Variants in TNNT2 observed in about 807,000 individuals in gnomAD.
The protein encoded by TNNT2 is troponin T2, cardiac type, also known as troponin T, cardiac muscle.
Under a neutral mutation model 62.4 loss-of-function variants are expected in TNNT2, and 34 were observed. The ratio of observed to expected loss-of-function variants is 0.54; its 90% CI spans 0.41 to 0.72. The LOEUF (loss-of-function observed/expected upper bound fraction) is 0.72. Among genes scored for constraint, TNNT2 ranks in the 30% least tolerant of loss-of-function variants. TNNT2 has a pLI of 0.00. For missense variants in TNNT2, 275 were observed against 381.9 expected, an observed-to-expected ratio of 0.72 and a Z score of 2.33; for synonymous variants, 123 against 127.2, an observed-to-expected ratio of 0.97 and a Z score of 0.22.
At chr1:201,370,825 T>G (rs1486642362) in intron 4 of TNNT2, among the ~76,000 whole-genome samples, 1 of 152,234 alleles carries the variant, frequency 6.6e-6, no homozygotes, top group Non-Finnish European at 1.5e-5. Context: ...TATAAGGAAG[T>G]GGAAAATCCT....
Position 201,367,799 on chromosome 1 carries a change from T to A in TNNT2, c.171A>T (p.Glu57Asp). Residue 57 changes from glutamate (E) to aspartate (D), a missense_variant, in exon 7 of 17, where the codon GAA becomes GAT. Glu to Asp is a conservative substitution (Grantham distance 45). Transcript: ENST00000656932. ...ETEETRAEED[E>D]EEEEAKEAED... ...CAGCCTCCTTTGCTTCCTCTTCTTC[T>A]TCATCTTCTAAATGAAACACGAGAA... 1 of 1,614,136 alleles carries A rather than the reference T, an allele frequency of 6.2e-7. No individual in the cohort carries two copies. Among genetic ancestry groups the A allele is most frequent in the Non-Finnish European group, 8.5e-7 (1 of 1,180,022 alleles).
chr1:201,361,257 C>G, intron 15 of TNNT2, 22 bp downstream of exon 15: 1 of 1,610,788 alleles, frequency 6.2e-7, no homozygotes, highest in Non-Finnish European at 8.5e-7. Context: ...AGATGCTGGG[C>G]GGGGACAGCA....
intron 10 of TNNT2, 85 bp from the exon 11 acceptor site, chr1:201,364,460 G>A: frequency 1.4e-6 from 2 of 1,390,120 alleles, no homozygotes; most frequent in Non-Finnish European, 1.0e-6. Flanking sequence ...GGGTGGCAAG[G>A]GAATTCCTGG....
At chr1:201,376,989 G>T (rs1335209996) in intron 1 of TNNT2, among the ~76,000 whole-genome samples, 2 of 152,228 alleles carry the variant, frequency 1.3e-5, no homozygotes, top group Non-Finnish European at 2.9e-5. Flanking sequence ...GGGAGGGAAT[G>T]GCACTGAGTC....
At chr1:201,368,889 G>A (rs908890168) in intron 5 of TNNT2, among the ~76,000 whole-genome samples, 1 of 152,232 alleles carries the variant, frequency 6.6e-6, no homozygotes, top group Admixed American at 6.5e-5. Context: ...ACCTCAGACA[G>A]GAGGAAGACA....
chr1:201,362,908 C>T (rs1489381118), intron 12 of TNNT2, among the ~76,000 whole-genome samples: 2 of 152,280 alleles, frequency 1.3e-5, no homozygotes, highest in Admixed American at 6.5e-5. Flanking sequence ...TTGAGGAAAC[C>T]GAGGCTCAGA....
chr1:201,364,044 G>A (rs1472982544), intron 11 of TNNT2: 13 of 483,402 alleles, frequency 2.7e-5, no homozygotes, highest in African/African-American at 3.9e-5. Flanking sequence ...GTGCCACCAC[G>A]CCTGGCTAAT....
chr1:201,375,398 G>A (rs1489516517), intron 1 of TNNT2: 2 of 152,216 alleles, frequency 1.3e-5, no homozygotes, highest in East Asian at 1.9e-4. Flanking sequence ...GACAGTGAGG[G>A]AGGAGCCTTG....
intron 7 of TNNT2, chr1:201,367,359 C>A (rs1452984499): frequency 2.6e-6 from 1 of 389,736 alleles, no homozygotes; most frequent in Non-Finnish European, 4.8e-6. Flanking sequence ...CCACTTAGAA[C>A]CCTGGTGAAG....
intron 1 of TNNT2, chr1:201,374,975 C>G (rs1661183218): frequency 6.6e-6 from 1 of 152,594 alleles, no homozygotes; most frequent in Non-Finnish European, 1.5e-5. Flanking sequence ...TCCCCTGCTG[C>G]CCACCTCCTG....
At chr1:201,362,286 C>A in intron 13 of TNNT2, 100 bp downstream of exon 13, 1 of 1,558,562 alleles carries the variant, frequency 6.4e-7, no homozygotes, top group South Asian at 1.2e-5. Context: ...CCCAGCCAGC[C>A]CAATCTCTTC....
chr1:201,361,028 A>G (rs1658524984), intron 15 of TNNT2: 2 of 553,006 alleles, frequency 3.6e-6, no homozygotes, highest in African/African-American at 3.8e-5. Flanking sequence ...GGAGACCCCC[A>G]GGGTTGGAAC....
At chr1:201,368,801 G>A (rs1660140064) in intron 5 of TNNT2, among the ~76,000 whole-genome samples, 1 of 152,212 alleles carries the variant, frequency 6.6e-6, no homozygotes, top group Non-Finnish European at 1.5e-5. Context: ...CCTGGGCTGT[G>A]CCTGTAGGAA....
chr1:201,366,609 C>T lies in TNNT2; in HGVS notation c.233+229G>A. ...CCTCTAGAAGAACATAGCCCCATCC[C>T]TGCTAGGGTGCACGATTGGTGATGG... is the stretch of plus-strand genomic sequence containing the variant. On this transcript the variant is annotated intron_variant, in intron 8 of 16. Transcript: ENST00000656932. 3 of 1,438,236 alleles carry T rather than the reference C, an allele frequency of 2.1e-6. No homozygotes were observed. In the South Asian group the frequency reaches 4.2e-5, roughly 20 times the overall value. 89.1% of individuals were successfully genotyped at this position (1,438,236 alleles called of 1,614,324 possible).
At chr1:201,360,606 G>T (rs763549185) in intron 15 of TNNT2, 1 of 154,716 alleles carries the variant, frequency 6.5e-6, no homozygotes, top group African/African-American at 2.4e-5. Context: ...CCTGCCCAGC[G>T]AGGGGCTTCT....
chr1:201,376,415 G>A (rs745792067), intron 1 of TNNT2, among the ~76,000 whole-genome samples: 1 of 152,100 alleles, frequency 6.6e-6, no homozygotes, highest in Non-Finnish European at 1.5e-5. Context: ...AGAAACACAG[G>A]CCCCACCCCT....
At chr1:201,364,190 G>T in intron 11 of TNNT2, 108 bp downstream of exon 11, 3 of 1,245,120 alleles carry the variant, frequency 2.4e-6, no homozygotes, top group Non-Finnish European at 3.4e-6. Context: ...GGCCAATATT[G>T]TCTCTTGACT....
At chr1:201,371,982 C>T (rs771130940) in intron 4 of TNNT2, 45 bp downstream of exon 4, 2 of 1,613,590 alleles carry the variant, frequency 1.2e-6, no homozygotes, top group South Asian at 1.1e-5. Flanking sequence ...TTCCACATTG[C>T]TGAGCCTGCC....
At chr1:201,376,194 C>T (rs899002748) in intron 1 of TNNT2, among the ~76,000 whole-genome samples, 7 of 152,216 alleles carry the variant, frequency 4.6e-5, no homozygotes, top group African/African-American at 1.7e-4. Flanking sequence ...AAGCCTAACA[C>T]GTTCACAGGG....
Sources: allele counts gnomAD v4.1 joint callset (sites outside exome capture counted in the v4.1 genomes callset), GRCh38; gene constraint gnomAD v4.1.1; transcripts MANE v1.5; gene names NCBI Gene and HGNC (gene_info 2026-07-23, HGNC 2026-07-21).